Variants in DMD observed in about 807,000 individuals in gnomAD.
DMD encodes mutant dystrophin.
Under a neutral mutation model 330.1 loss-of-function variants are expected in DMD, and 63 were observed. The ratio of observed to expected loss-of-function variants is 0.19; its 90% confidence interval spans 0.16 to 0.24. DMD has a LOEUF of 0.24. Ranked by LOEUF, DMD falls within the 10% of genes least tolerant of loss-of-function variation. DMD has a pLI of 1.00. For missense variants in DMD, 3,344 were observed against 2,684.1 expected (o/e 1.25, Z -5.43); for synonymous variants, 1,223 against 959.8 (o/e 1.27, Z -5.07).
At chrX:32,695,808 G>T (rs1027640136) in intron 9 of DMD, among the ~76,000 whole-genome samples, 2 of 111,633 alleles carry the variant, frequency 1.8e-5, no homozygotes, top group Non-Finnish European at 3.8e-5. Context: ...AGATAAGAAT[G>T]CCAAGATATT....
intron 12 of DMD, among the ~76,000 whole-genome samples, chrX:32,611,086 A>G (rs1177751800): frequency 9.1e-6 from 1 of 110,485 alleles, no homozygotes; most frequent in Non-Finnish European, 1.9e-5. Context: ...AATAAAGTCA[A>G]CTCTTTGCTA....
At chrX:31,205,835 G>A (rs961288191) in intron 66 of DMD, among the ~76,000 whole-genome samples, 1 of 112,244 alleles carries the variant, frequency 8.9e-6, no homozygotes, top group Non-Finnish European at 1.9e-5. Context: ...AGGCCTCAGG[G>A]GAAGAGAGAA....
Position 33,221,049 on chromosome X carries a change from A to C in DMD, c.7+118210T>G, listed in dbSNP as rs1010745437. Among the ~76,000 whole-genome samples, 3 of 111,791 alleles carry C rather than the reference A, an allele frequency of 2.7e-5. No homozygotes were observed. In the Admixed American group the frequency reaches 2.9e-4, roughly 11 times the overall value. ...TTTGAATGTTTGAGAGTAGCAAACC[A>C]AATCTCTTTGAGAGTGTATGCTAAA... On this transcript the variant is annotated intron_variant, in intron 1 of 17. Transcript: ENST00000288447.
chrX:32,623,227 T>A (rs776220416), intron 11 of DMD, among the ~76,000 whole-genome samples: 5 of 111,609 alleles, frequency 4.5e-5, no homozygotes, highest in Non-Finnish European at 9.4e-5. Flanking sequence ...TGCAGGTGAA[T>A]TATAGGCCAG....
At chrX:31,172,293 C>A in intron 73 of DMD, 55 bp downstream of exon 73, 1 of 886,441 alleles carries the variant, frequency 1.1e-6, no homozygotes, top group Non-Finnish European at 1.7e-6. Flanking sequence ...CCTCTAAATC[C>A]CTCAAAGCAA....
chrX:32,618,091 G>A (rs1305409179), intron 11 of DMD, among the ~76,000 whole-genome samples: 1 of 111,887 alleles, frequency 8.9e-6, no homozygotes, highest in Non-Finnish European at 1.9e-5. Flanking sequence ...TTCAACTATT[G>A]TTGAAAACAG....
At chrX:32,662,664 C>A (rs1373679823) in intron 9 of DMD, among the ~76,000 whole-genome samples, 1 of 111,648 alleles carries the variant, frequency 9.0e-6, no homozygotes, top group African/African-American at 3.2e-5. Context: ...AGTAGTTTAT[C>A]AGAGTACAGA....
chrX:32,227,999 T>C (rs1448880966), intron 43 of DMD, among the ~76,000 whole-genome samples: 1 of 111,156 alleles, frequency 9.0e-6, no homozygotes, highest in Non-Finnish European at 1.9e-5. Context: ...CTTTAATATG[T>C]ATATAAGTAT....
At chrX:32,441,912 G>A (rs949315223) in intron 27 of DMD, among the ~76,000 whole-genome samples, 3 of 110,627 alleles carry the variant, frequency 2.7e-5, no homozygotes, top group African/African-American at 6.5e-5. Flanking sequence ...AAACATCATC[G>A]TGAATATGGA....
intron 13 of DMD, among the ~76,000 whole-genome samples, chrX:32,591,402 T>C (rs1001460207): frequency 8.9e-6 from 1 of 112,157 alleles, no homozygotes; most frequent in Non-Finnish European, 1.9e-5. Flanking sequence ...TTAGAGCATC[T>C]TCTATAAGCT....
chrX:32,206,124 A>T, intron 44 of DMD: 1 of 518,942 alleles, frequency 1.9e-6, no homozygotes, highest in East Asian at 3.5e-5. Flanking sequence ...GGCAGCTTTG[A>T]AAATGTCTGT....
At chrX:31,762,405 C>T (rs1476832127) in intron 51 of DMD, among the ~76,000 whole-genome samples, 5 of 110,785 alleles carry the variant, frequency 4.5e-5, no homozygotes, top group African/African-American at 1.3e-4. Context: ...CCCGTCTCTA[C>T]TAAAAATACA....
At chrX:32,697,672 A>AATCAACGT (rs1220147638) in intron 9 of DMD, among the ~76,000 whole-genome samples, 198 bp downstream of exon 9, 1 of 112,184 alleles carries the variant, frequency 8.9e-6, no homozygotes, top group African/African-American at 3.2e-5. Flanking sequence ...ATTTATGAAG[A>AATCAACGT]ATCAACGTAT....
intron 60 of DMD, among the ~76,000 whole-genome samples, chrX:31,351,789 A>G (rs371391855): frequency 2.7e-5 from 3 of 109,549 alleles, no homozygotes; most frequent in East Asian, 5.7e-4. Context: ...GGCACCACAT[A>G]CAATACAAAA....
intron 6 of DMD, among the ~76,000 whole-genome samples, chrX:32,814,468 G>A (rs1188236652): frequency 8.9e-6 from 1 of 111,884 alleles, no homozygotes; most frequent in Non-Finnish European, 1.9e-5. Flanking sequence ...TTGTGCCAAC[G>A]ACAATCGCTA....
intron 44 of DMD, among the ~76,000 whole-genome samples, chrX:31,987,369 A>T (rs1313120284): frequency 9.0e-6 from 1 of 111,562 alleles, no homozygotes; most frequent in Non-Finnish European, 1.9e-5. Context: ...TCTCCATACT[A>T]TGCAACAGGA....
chrX:32,736,114 CA>C (rs1268712479), intron 7 of DMD, among the ~76,000 whole-genome samples: 2 of 112,161 alleles, frequency 1.8e-5, no homozygotes, highest in Non-Finnish European at 3.8e-5. Context: ...AGGACATGAA[CA>C]GACAATTCTC....
At chrX:32,623,273 G>A (rs1384273492) in intron 11 of DMD, among the ~76,000 whole-genome samples, 16 of 111,613 alleles carry the variant, frequency 1.4e-4, no homozygotes, top group Non-Finnish European at 3.8e-5. Flanking sequence ...GTGAGTAGTG[G>A]TCCATTGCAA....
chrX:31,733,661 T>C (rs2086667489), intron 51 of DMD, among the ~76,000 whole-genome samples: 1 of 111,556 alleles, frequency 9.0e-6, no homozygotes, highest in Non-Finnish European at 1.9e-5. Flanking sequence ...GTCAGGAAGG[T>C]ACTAAATTGT....
Sources: allele counts gnomAD v4.1 joint callset (sites outside exome capture counted in the v4.1 genomes callset), GRCh38; gene constraint gnomAD v4.1.1; transcripts MANE v1.5; gene names NCBI Gene and HGNC (gene_info 2026-07-23, HGNC 2026-07-21).